LRRC4C: variants seen among roughly 807,000 people sequenced by gnomAD.
LRRC4C encodes leucine-rich repeat-containing protein 4C.
Under a neutral mutation model 33.6 loss-of-function variants are expected in LRRC4C, and 5 were observed. The observed-to-expected ratio is 0.15, with a 90% confidence interval of 0.08 to 0.31. The LOEUF is 0.31. Among genes scored for constraint, LRRC4C ranks in the 10% least tolerant of loss-of-function variants. The pLI, the probability that LRRC4C is intolerant of heterozygous loss-of-function variation, is 1.00. For missense variants in LRRC4C, 560 were observed against 796.7 expected (o/e 0.70, Z 3.58); for synonymous variants, 329 against 302.0 (o/e 1.09, Z -0.93).
intron 4 of LRRC4C, among the ~76,000 whole-genome samples, chr11:40,295,644 C>T (rs890129448): frequency 6.6e-6 from 1 of 152,124 alleles, no homozygotes; most frequent in Non-Finnish European, 1.5e-5. Flanking sequence ...ATACTGAGAG[C>T]ATGCTGTAAC....
chr11:40,417,638 C>CTGTAATT (rs1748240442), intron 3 of LRRC4C, among the ~76,000 whole-genome samples: 1 of 152,234 alleles, frequency 6.6e-6, no homozygotes, highest in African/African-American at 2.4e-5. Flanking sequence ...AAGCATGAGC[C>CTGTAATT]ACCATGCCTG....
At chr11:41,063,475 T>C (rs561246877) in intron 1 of LRRC4C, among the ~76,000 whole-genome samples, 129 of 152,250 alleles carry the variant, frequency 8.5e-4, no homozygotes, top group African/African-American at 3.0e-3. Context: ...TTGTTATAGG[T>C]CCCAGAGAAG....
intron 1 of LRRC4C, among the ~76,000 whole-genome samples, chr11:41,167,119 T>C (rs1390301949): frequency 6.6e-6 from 1 of 152,086 alleles, no homozygotes; most frequent in African/African-American, 2.4e-5. Flanking sequence ...TATAGATATA[T>C]ACAGATGATA....
chr11:40,811,226 C>T (rs1486261667), intron 2 of LRRC4C, among the ~76,000 whole-genome samples: 1 of 152,102 alleles, frequency 6.6e-6, no homozygotes, highest in African/African-American at 2.4e-5. Context: ...CTAAAAGAGG[C>T]CCTCTCCAAC....
chr11:40,909,862 G>T (rs890227382), intron 2 of LRRC4C, among the ~76,000 whole-genome samples: 4 of 152,060 alleles, frequency 2.6e-5, no homozygotes, highest in Non-Finnish European at 5.9e-5. Context: ...ATTCACAAAG[G>T]CATTGAAAGG....
intron 3 of LRRC4C, among the ~76,000 whole-genome samples, chr11:40,325,044 A>G (rs746633263): frequency 6.6e-5 from 10 of 152,178 alleles, no homozygotes; most frequent in Non-Finnish European, 1.5e-4. Flanking sequence ...TGTAGTTACC[A>G]TTATTACTTT....
intron 3 of LRRC4C, among the ~76,000 whole-genome samples, chr11:40,440,357 A>G (rs1163457921): frequency 6.8e-6 from 1 of 147,130 alleles, no homozygotes; most frequent in Non-Finnish European, 1.5e-5. Flanking sequence ...CTGATTTTCT[A>G]GAAAGATTTA....
At chr11:40,276,713 G>A (rs370261634) in intron 4 of LRRC4C, among the ~76,000 whole-genome samples, 1 of 151,146 alleles carries the variant, frequency 6.6e-6, no homozygotes, top group Admixed American at 6.6e-5. Context: ...GTGTGTGTGT[G>A]TGTGTGTGTA....
At chr11:41,412,842 G>A (rs952823319) in intron 1 of LRRC4C, among the ~76,000 whole-genome samples, 1 of 152,132 alleles carries the variant, frequency 6.6e-6, no homozygotes, top group Non-Finnish European at 1.5e-5. Flanking sequence ...AAAAAGGAAT[G>A]AACTCTCAAA....
rs141728133 is a variant in LRRC4C, at chr11:41,227,225, A to G, written c.-496+232206T>C. Among the ~76,000 whole-genome samples, 66 of 152,134 alleles carry G rather than the reference A, an allele frequency of 4.3e-4. No individual in the cohort carries two copies. In the East Asian group the frequency reaches 0.012, roughly 29 times the overall value. ...TTTCCCGAAGTACTATGTCATCAGT[A>G]TAGTTCAAATAGTTAAAATAACCCT... On this transcript the variant is annotated intron_variant, in intron 1 of 6. Transcript: ENST00000528697.
intron 2 of LRRC4C, among the ~76,000 whole-genome samples, chr11:40,876,748 C>A (rs1329988418): frequency 1.3e-5 from 2 of 151,592 alleles, no homozygotes; most frequent in Non-Finnish European, 2.9e-5. Flanking sequence ...ACTAAAAATA[C>A]AAAAATTAGC....
intron 4 of LRRC4C, among the ~76,000 whole-genome samples, chr11:40,263,955 C>T (rs926942777): frequency 1.3e-5 from 2 of 152,110 alleles, no homozygotes; most frequent in East Asian, 1.9e-4. Context: ...TTTATCCTTC[C>T]GCGCCCAGTC....
intron 3 of LRRC4C, among the ~76,000 whole-genome samples, chr11:40,322,510 T>G (rs1945901910): frequency 6.6e-6 from 1 of 152,148 alleles, no homozygotes; most frequent in African/African-American, 2.4e-5. Flanking sequence ...CCTCCCAAAC[T>G]GCAAGGATTA....
chr11:41,170,816 C>A (rs550876709), intron 1 of LRRC4C, among the ~76,000 whole-genome samples: 1 of 152,122 alleles, frequency 6.6e-6, no homozygotes, highest in Non-Finnish European at 1.5e-5. Context: ...AGTGAACAGG[C>A]AACCTACAGA....
chr11:40,115,981 G>A lies in LRRC4C; in HGVS notation c.312C>T (p.Ile104=). The A allele has an allele frequency of 6.2e-7, 1 of 1,614,118 alleles. No individual in the cohort carries two copies. The highest frequency in any genetic ancestry group is 1.7e-5 in the Admixed American group (1 of 60,012). ...NSFKHLRHLE[I]LQLSRNHIRT... ...TGATATGGTTCCTACTCAACTGTAG[G>A]ATTTCCAAGTGTCTCAAGTGCTTGA... Residue 104 remains isoleucine (I), a synonymous_variant, in exon 7 of 7, where the codon ATC becomes ATT. Transcript: ENST00000528697. The surrounding 1 kb of genome is among the most constrained non-coding windows in gnomAD (Gnocchi z 6.7).
chr11:40,468,542 G>T (rs773047480), intron 3 of LRRC4C, among the ~76,000 whole-genome samples: 10 of 147,562 alleles, frequency 6.8e-5, no homozygotes, highest in Non-Finnish European at 1.2e-4. Context: ...TGGGCTTATA[G>T]CCTAGCTAGG....
intron 2 of LRRC4C, among the ~76,000 whole-genome samples, chr11:40,728,846 C>T (rs1239786049): frequency 1.3e-5 from 2 of 151,926 alleles, no homozygotes; most frequent in Admixed American, 6.6e-5. Flanking sequence ...ATGGATGCAG[C>T]GGGAGGTCAT....
intron 3 of LRRC4C, among the ~76,000 whole-genome samples, chr11:40,484,226 C>A (rs1474491863): frequency 6.6e-6 from 1 of 152,028 alleles, no homozygotes; most frequent in African/African-American, 2.4e-5. Flanking sequence ...CCTGAAGATA[C>A]CCCTCTACAA....
chr11:40,502,234 A>G (rs1311171325), intron 3 of LRRC4C, among the ~76,000 whole-genome samples: 2 of 151,980 alleles, frequency 1.3e-5, no homozygotes, highest in African/African-American at 4.8e-5. Flanking sequence ...ATTTTCCCAC[A>G]TTTTCCTGTC....
Sources: allele counts gnomAD v4.1 joint callset (sites outside exome capture counted in the v4.1 genomes callset), GRCh38; gene constraint gnomAD v4.1.1; non-coding constraint Gnocchi (gnomAD v3.1); transcripts MANE v1.5; gene names NCBI Gene and HGNC (gene_info 2026-07-23, HGNC 2026-07-21).